LARGE1: variants seen among roughly 807,000 people sequenced by gnomAD.
LARGE1 encodes xylosyl- and glucuronyltransferase LARGE1.
LARGE1 carries 43 observed loss-of-function variants against 87.6 expected under a neutral mutation model. The observed-to-expected ratio is 0.49, with a 90% CI of 0.38 to 0.63. LARGE1 has a LOEUF of 0.63. Ranked by LOEUF, LARGE1 falls within the 30% of genes least tolerant of loss-of-function variation. The pLI, the probability that LARGE1 is intolerant of heterozygous loss-of-function variation, is 0.00. For synonymous variants in LARGE1, 434 were observed against 394.6 expected, an observed-to-expected ratio of 1.10 and a Z score of -1.18; for missense variants, 802 against 1,000.2, an observed-to-expected ratio of 0.80 and a Z score of 2.67.
At chr22:33,364,470 C>A (rs918757252) in intron 9 of LARGE1, among the ~76,000 whole-genome samples, 1 of 152,184 alleles carries the variant, frequency 6.6e-6, no homozygotes, top group Non-Finnish European at 1.5e-5. Flanking sequence ...GGGAGTACAA[C>A]AGCCTCTCCT....
chr22:33,906,392 G>C (rs905549956), intron 1 of LARGE1, among the ~76,000 whole-genome samples: 2 of 152,162 alleles, frequency 1.3e-5, no homozygotes, highest in Non-Finnish European at 2.9e-5. Context: ...TGGGTTGTTG[G>C]ATTATAGGAC....
the LARGE1 span, among the ~76,000 whole-genome samples, chr22:33,090,563 T>C: frequency 6.6e-6 from 1 of 152,126 alleles, no homozygotes; most frequent in Non-Finnish European, 1.5e-5. Flanking sequence ...GTCTGAACTT[T>C]CAAAGCACAG....
chr22:33,153,918 A>T, the LARGE1 span, among the ~76,000 whole-genome samples: 2 of 152,152 alleles, frequency 1.3e-5, no homozygotes, highest in Non-Finnish European at 2.9e-5. Flanking sequence ...TGAAACCATC[A>T]TTCTCTAAGT....
At chr22:33,534,296 C>T (rs1309702019) in intron 6 of LARGE1, among the ~76,000 whole-genome samples, 1 of 151,946 alleles carries the variant, frequency 6.6e-6, no homozygotes, top group South Asian at 2.1e-4. Context: ...CCCAGCTACT[C>T]GGGAGGCTGA....
chr22:33,411,044 C>G (rs938270790), intron 7 of LARGE1, among the ~76,000 whole-genome samples: 1 of 152,198 alleles, frequency 6.6e-6, no homozygotes, highest in Admixed American at 6.5e-5. Context: ...ATCCTTCCTT[C>G]TTTCCCTTCT....
chr22:33,245,667 G>T (rs968462843), intron 11 of LARGE1, among the ~76,000 whole-genome samples: 1 of 152,210 alleles, frequency 6.6e-6, no homozygotes, highest in African/African-American at 2.4e-5. Context: ...CCAGCACTTT[G>T]GGAGGCTGAG....
intron 4 of LARGE1, among the ~76,000 whole-genome samples, chr22:33,611,152 C>G (rs952606471): frequency 5.3e-5 from 8 of 152,234 alleles, no homozygotes; most frequent in Non-Finnish European, 1.0e-4. Flanking sequence ...GGAGACCCCA[C>G]ACAAAGTCCC....
chr22:33,617,673 A>G (rs1342028658), intron 4 of LARGE1, among the ~76,000 whole-genome samples: 1 of 152,202 alleles, frequency 6.6e-6, no homozygotes, highest in African/African-American at 2.4e-5. Context: ...GTGGTCCCAC[A>G]TAGCATGCCT....
intron 5 of LARGE1, among the ~76,000 whole-genome samples, chr22:33,570,756 G>A (rs886092596): frequency 6.6e-6 from 1 of 151,926 alleles, no homozygotes; most frequent in Admixed American, 6.6e-5. Flanking sequence ...TTGAGGAGGA[G>A]GAAAAGTGCG....
At chr22:33,578,198 T>C (rs376873581) in intron 5 of LARGE1, among the ~76,000 whole-genome samples, 22 of 152,216 alleles carry the variant, frequency 1.4e-4, no homozygotes, top group African/African-American at 5.3e-4. Flanking sequence ...CCTTTCTAGA[T>C]TTAGAATTTA....
intron 11 of LARGE1, among the ~76,000 whole-genome samples, chr22:33,178,278 C>A (rs1922985926): frequency 6.6e-6 from 1 of 152,158 alleles, no homozygotes; most frequent in Non-Finnish European, 1.5e-5. Context: ...TCTTCCCAGG[C>A]CCCTTGCAGC....
chr22:33,096,756 G>C, the LARGE1 span, among the ~76,000 whole-genome samples: 1 of 152,008 alleles, frequency 6.6e-6, no homozygotes, highest in Non-Finnish European at 1.5e-5. Flanking sequence ...CAGTAGAGAC[G>C]GGGTTTCACT....
chr22:33,451,441 T>C (rs2067916574), intron 6 of LARGE1, among the ~76,000 whole-genome samples: 1 of 152,016 alleles, frequency 6.6e-6, no homozygotes. Context: ...ACTTCCGAGA[T>C]TTTGGTGCAC....
intron 5 of LARGE1, among the ~76,000 whole-genome samples, chr22:33,574,298 T>A (rs2078288097): frequency 6.6e-6 from 1 of 152,158 alleles, no homozygotes; most frequent in South Asian, 2.1e-4. Flanking sequence ...CCCTATTGCA[T>A]ATAACCTATG....
At chr22:33,281,578 T>C (rs1170302957) in intron 13 of LARGE1, among the ~76,000 whole-genome samples, 1 of 152,162 alleles carries the variant, frequency 6.6e-6, no homozygotes, top group Non-Finnish European at 1.5e-5. Context: ...ATCTGTCACA[T>C]AGGTTTATTG....
chr22:33,450,853 G>A (rs1009232293), intron 6 of LARGE1, among the ~76,000 whole-genome samples: 2 of 152,166 alleles, frequency 1.3e-5, no homozygotes, highest in African/African-American at 4.8e-5. Context: ...GAAGGTTGCT[G>A]AAATTAATAG....
At chr22:33,262,843 CCCT>C (rs1568994809) in intron 11 of LARGE1, among the ~76,000 whole-genome samples, 4 of 150,412 alleles carry the variant, frequency 2.7e-5, no homozygotes, top group East Asian at 2.0e-4. Flanking sequence ...TTCACTCCCT[CCCT>C]CCTTTCTTTT....
At chr22:33,226,801 C>T (rs1925760470) in intron 11 of LARGE1, among the ~76,000 whole-genome samples, 1 of 151,802 alleles carries the variant, frequency 6.6e-6, no homozygotes, top group Admixed American at 6.6e-5. Context: ...ACAATCTCGG[C>T]TCACTGCAAG....
intron 2 of LARGE1, among the ~76,000 whole-genome samples, chr22:33,754,615 C>T (rs558130443): frequency 1.3e-5 from 2 of 152,260 alleles, no homozygotes; most frequent in Admixed American, 6.5e-5. Flanking sequence ...GGATTACAGG[C>T]GTGAGCCACC....
Sources: gnomAD v4.1 joint callset for allele counts (sites outside exome capture counted in the v4.1 genomes callset) on GRCh38, gnomAD v4.1.1 for gene constraint, MANE v1.5 for transcripts, NCBI Gene and HGNC (gene_info 2026-07-23, HGNC 2026-07-21) for gene names.